Variants in RP1 observed in about 807,000 individuals in gnomAD.
RP1 encodes the protein oxygen-regulated protein 1.
In RP1, 16 loss-of-function variants were observed where a neutral mutation model predicts 14.8. That is an observed-to-expected ratio of 1.08 (90% CI 0.73 to 1.65). The LOEUF (loss-of-function observed/expected upper bound fraction) is 1.65. Ranked by LOEUF, RP1 falls within the 40% of genes most tolerant of loss-of-function variation. RP1 has a pLI of 0.00. For missense variants in RP1, 2,631 were observed against 2,535.0 expected (o/e 1.04, Z -0.81); for synonymous variants, 876 against 883.6 (o/e 0.99, Z 0.15).
downstream of RP1, among the ~76,000 whole-genome samples, chr8:54,635,556 A>G (rs145701864): frequency 6.5e-3 from 993 of 152,254 alleles, 3 homozygotes; most frequent in Non-Finnish European, 1.0e-2. Flanking sequence ...ATTCATATAT[A>G]TATTTATAAG....
exon 29 of RP1, chr8:54,869,963 C>T (rs761821077): frequency 2.7e-5 from 29 of 1,082,466 alleles, no homozygotes; most frequent in East Asian, 6.5e-5. Context: ...TTGGGCCTGT[C>T]GCTCCAATAT....
At chr8:54,861,459 A>G (rs902171276) in intron 27 of RP1, among the ~76,000 whole-genome samples, 2 of 152,198 alleles carry the variant, frequency 1.3e-5, no homozygotes, top group Non-Finnish European at 2.9e-5. Context: ...TTTCATGTGT[A>G]GTGCAATAGT....
At chr8:54,735,345 C>G (rs1483665589) in intron 18 of RP1, among the ~76,000 whole-genome samples, 1 of 152,146 alleles carries the variant, frequency 6.6e-6, no homozygotes, top group African/African-American at 2.4e-5. Context: ...CCTTGTTCCT[C>G]AGAGCTTTGG....
Position 54,621,320 on chromosome 8 carries a change from C to G in RP1, c.354C>G (p.Asp118Glu), listed in dbSNP as rs780556232. ...HGRKVQPVDL[D>E]KARRRPRPWL... ...GGAAGGTGCAGCCTGTAGACCTGGA[C>G]AAAGCCCGTCGGCGCCCGCGGCCCT... Residue 118 changes from aspartate to glutamate, a missense_variant, in exon 2 of 4, where the codon GAC becomes GAG. Asp to Glu is a conservative substitution (Grantham distance 45, BLOSUM62 2). Transcript: ENST00000220676. The G allele has an allele frequency of 9.3e-6, 15 of 1,612,548 alleles. No individual in the cohort carries two copies. The highest frequency in any genetic ancestry group is 6.7e-5 in the African/African-American group (5 of 74,892).
At chr8:54,608,709 G>T (rs1805519961) in intron 1 of RP1, among the ~76,000 whole-genome samples, 1 of 152,190 alleles carries the variant, frequency 6.6e-6, no homozygotes, top group Admixed American at 6.5e-5. Flanking sequence ...AAGAAAATTA[G>T]AGAGTAAGTC....
chr8:54,643,348 C>T (rs1244089558), intron 3 of RP1, among the ~76,000 whole-genome samples: 1 of 152,194 alleles, frequency 6.6e-6, no homozygotes, highest in East Asian at 1.9e-4. Flanking sequence ...TCTTCATGTT[C>T]TCTGAAGATA....
chr8:54,681,046 T>G (rs1807416318), intron 12 of RP1, among the ~76,000 whole-genome samples: 1 of 152,112 alleles, frequency 6.6e-6, no homozygotes, highest in African/African-American at 2.4e-5. Context: ...TCTTTAGACA[T>G]TTTCCTTACC....
intron 19 of RP1, among the ~76,000 whole-genome samples, chr8:54,750,619 A>G (rs1187498809): frequency 6.6e-6 from 1 of 152,244 alleles, no homozygotes; most frequent in Non-Finnish European, 1.5e-5. Flanking sequence ...AAACGCACCA[A>G]TCAGTGCTCT....
At chr8:54,566,167 G>T (rs1442940918) in intron 1 of RP1, among the ~76,000 whole-genome samples, 1 of 152,176 alleles carries the variant, frequency 6.6e-6, no homozygotes, top group Non-Finnish European at 1.5e-5. Context: ...AGGAGCTGAG[G>T]GTTGGACTTC....
At chr8:54,594,724 T>C (rs970602842) in intron 1 of RP1, among the ~76,000 whole-genome samples, 1 of 152,204 alleles carries the variant, frequency 6.6e-6, no homozygotes, top group African/African-American at 2.4e-5. Flanking sequence ...CACAGAATTC[T>C]AAGGCAAATA....
chr8:54,751,895 A>G (rs1174157915), intron 19 of RP1, among the ~76,000 whole-genome samples: 1 of 152,174 alleles, frequency 6.6e-6, no homozygotes, highest in Non-Finnish European at 1.5e-5. Flanking sequence ...GAGGCTTTTC[A>G]GTGGTGTTCG....
intron 6 of RP1, chr8:54,663,560 T>G: frequency 1.4e-6 from 1 of 725,626 alleles, no homozygotes; most frequent in South Asian, 3.1e-5. Context: ...ATATATAGAA[T>G]TTTTTACTGC....
rs1442695595 is a variant in RP1 at position 54,603,110 on chromosome 8, C to A, written c.-12-17845C>A. Among the ~76,000 whole-genome samples the A allele has an allele frequency of 3.9e-5, 6 of 152,240 alleles. No individual in the cohort carries two copies. The East Asian group carries it at 9.6e-4, about 24-fold the overall frequency. On this transcript the variant is annotated intron_variant, in intron 1 of 22. Transcript: ENST00000636932. Reference sequence around the variant, plus strand: ...TGATGTTTTAGACATGAAGTGCTTGCCCATGCCTATGTCCTGAATGGTATT... The same window carrying A: ...TGATGTTTTAGACATGAAGTGCTTGACCATGCCTATGTCCTGAATGGTATT...
chr8:54,838,106 T>C (rs956602465), intron 25 of RP1, among the ~76,000 whole-genome samples: 2 of 152,232 alleles, frequency 1.3e-5, no homozygotes, highest in African/African-American at 4.8e-5. Flanking sequence ...GTATGTCTGT[T>C]CAGAGGTGAC....
chr8:54,689,975 A>G (rs1009038317), intron 12 of RP1, among the ~76,000 whole-genome samples: 1 of 152,068 alleles, frequency 6.6e-6, no homozygotes, highest in Non-Finnish European at 1.5e-5. Context: ...TTGCACTTTC[A>G]AGACAAACTT....
intron 28 of RP1, among the ~76,000 whole-genome samples, chr8:54,866,577 A>G (rs1812464449): frequency 6.6e-6 from 1 of 152,212 alleles, no homozygotes; most frequent in South Asian, 2.1e-4. Context: ...TGCACTAAAC[A>G]TAGAAATTAT....
At chr8:54,633,917 T>G (rs139732857), downstream of RP1, among the ~76,000 whole-genome samples, 26 of 152,122 alleles carry the variant, frequency 1.7e-4, 1 homozygote, top group East Asian at 5.0e-3. Flanking sequence ...AACAGTACCT[T>G]TAATGTAGCA....
chr8:54,784,544 C>T (rs1199916892), intron 24 of RP1, among the ~76,000 whole-genome samples: 2 of 151,956 alleles, frequency 1.3e-5, no homozygotes, highest in African/African-American at 4.8e-5. Context: ...CTTAGCTTTC[C>T]TCTTATTTTT....
chr8:54,591,637 T>C (rs1457582895), intron 1 of RP1, among the ~76,000 whole-genome samples: 1 of 152,056 alleles, frequency 6.6e-6, no homozygotes, highest in Non-Finnish European at 1.5e-5. Context: ...ATTTATGGCA[T>C]AAAAAATCAC....
Sources: gnomAD v4.1 joint callset for allele counts (sites outside exome capture counted in the v4.1 genomes callset) on GRCh38, gnomAD v4.1.1 for gene constraint, MANE v1.5 for transcripts, NCBI Gene and HGNC (gene_info 2026-07-23, HGNC 2026-07-21) for gene names.